The following ARFGEF1 variants were observed in gnomAD, a reference collection of about 807,000 sequenced individuals.
The protein encoded by ARFGEF1 is brefeldin A-inhibited guanine nucleotide-exchange protein 1.
Under a neutral mutation model 231.0 loss-of-function variants are expected in ARFGEF1, and 42 were observed. That is an observed-to-expected ratio of 0.18 (90% CI 0.14 to 0.24). The LOEUF is 0.24. Ranked by LOEUF, ARFGEF1 falls within the 10% of genes least tolerant of loss-of-function variation. The probability of loss-of-function intolerance (pLI) is 1.00; values close to 1 mark genes in which losing one functional copy is unlikely to be tolerated. For missense variants in ARFGEF1, 1,345 were observed against 2,192.0 expected (o/e 0.61, Z 7.72); for synonymous variants, 710 against 732.3 (o/e 0.97, Z 0.49).
chr8:67,210,206 C>T (rs890694780), intron 34 of ARFGEF1, among the ~76,000 whole-genome samples: 1 of 148,110 alleles, frequency 6.8e-6, no homozygotes, highest in Non-Finnish European at 1.5e-5. Flanking sequence ...GGACAGACGT[C>T]GTGGCACAAG....
At chr8:67,201,191 CTATCT>C (rs560093918) in intron 37 of ARFGEF1, among the ~76,000 whole-genome samples, 145 of 152,290 alleles carry the variant, frequency 9.5e-4, no homozygotes, top group South Asian at 3.7e-3. Context: ...AAAAATGGGA[CTATCT>C]TATGACATTA....
chr8:67,266,052 C>T lies in ARFGEF1; in HGVS notation c.2077G>A (p.Glu693Lys). The T allele has an allele frequency of 6.2e-7, 1 of 1,613,842 alleles. No individual in the cohort carries two copies. The change falls in exon 14 of 39, where the codon GAG becomes AAG. Residue 693 changes from glutamate (E) to lysine (K), a missense_variant. Physicochemically the swap from Glu to Lys is moderately conservative, Grantham distance 56 (BLOSUM62 1). Transcript: ENST00000262215. ...ATTTCTTTTTGTTGCTTTAGGACCT[C>T]AAATTGTTCTGGATTATCAGTGCCA... Reference protein sequence around the residue: ...MSGTDNPEQFEVLKQQKEIIE... With the variant: ...MSGTDNPEQFKVLKQQKEIIE...
intron 34 of ARFGEF1, among the ~76,000 whole-genome samples, chr8:67,209,485 A>T (rs765901409): frequency 1.3e-5 from 2 of 152,224 alleles, no homozygotes; most frequent in Non-Finnish European, 2.9e-5. Context: ...GGAGTGATGA[A>T]AATGCTTTGG....
At chr8:67,237,551 A>G (rs921372808) in intron 22 of ARFGEF1, among the ~76,000 whole-genome samples, 12 of 151,880 alleles carry the variant, frequency 7.9e-5, no homozygotes, top group Admixed American at 3.9e-4. Flanking sequence ...ATGCGTCCAG[A>G]TTGGTTGGAG....
chr8:67,291,705 A>G, intron 6 of ARFGEF1, 142 bp downstream of exon 6: 3 of 1,119,598 alleles, frequency 2.7e-6, no homozygotes, highest in Non-Finnish European at 3.8e-6. Flanking sequence ...TACCACCTAC[A>G]ATGAGGAAAG....
chr8:67,214,505 C>T (rs774528994), intron 33 of ARFGEF1, among the ~76,000 whole-genome samples: 1 of 152,098 alleles, frequency 6.6e-6, no homozygotes, highest in Non-Finnish European at 1.5e-5. Context: ...TTGTGCCTAT[C>T]GAGATTGAAA....
chr8:67,179,645 GA>G (rs1172051524), intron 5 of ARFGEF1, among the ~76,000 whole-genome samples: 4 of 152,192 alleles, frequency 2.6e-5, no homozygotes, highest in Non-Finnish European at 5.9e-5. Context: ...GTAGCCTGGA[GA>G]GAGACTGTCT....
chr8:67,291,699 A>T (rs1806017577), intron 6 of ARFGEF1, 148 bp downstream of exon 6: 5 of 1,029,076 alleles, frequency 4.9e-6, no homozygotes, highest in Non-Finnish European at 7.1e-6. Context: ...TAATTTTACC[A>T]CCTACAATGA....
At chr8:67,232,976 T>A in intron 22 of ARFGEF1, 31 bp from the exon 23 acceptor site, 3 of 1,525,566 alleles carry the variant, frequency 2.0e-6, no homozygotes, top group Non-Finnish European at 2.7e-6. Flanking sequence ...TCATTTCAGT[T>A]TGAAAATAAT....
At chr8:67,248,836 G>T (rs546214331) in intron 19 of ARFGEF1, among the ~76,000 whole-genome samples, 6 of 150,452 alleles carry the variant, frequency 4.0e-5, no homozygotes, top group Non-Finnish European at 8.8e-5. Context: ...CTGCTTACAG[G>T]TGTTGTCTGT....
In ARFGEF1 at chr8:67,343,384, G is replaced by T; in HGVS notation, c.-97C>A. 1 of 1,518,722 alleles carries T rather than the reference G, an allele frequency of 6.6e-7. No homozygotes were observed. 94.1% of individuals were successfully genotyped at this position (1,518,722 alleles called of 1,614,324 possible). On this transcript the variant is annotated 5_prime_UTR_variant, in exon 1 of 39. Transcript: ENST00000262215. ...GAAGGAAGAGAAGAGAGAAAGGAGA[G>T]GGGGTGGAGGTGGGGGATTGGAGGC...
In ARFGEF1 at chr8:67,251,377, T is replaced by C; in HGVS notation, c.2772A>G (p.Ala924=). The change falls in exon 19 of 39, where the codon GCA becomes GCG. Residue 924 remains alanine (A), a synonymous_variant. Coordinates refer to ENST00000262215, the MANE Select transcript of ARFGEF1 (RefSeq NM_006421.5). ...EMEQMAKTAK[A]LMEAVSHVQA... ...GAACATGGCTCACGGCCTCCATGAG[T>C]GCTTTAGCTGTCTTGGCCATCTGCT... The C allele has an allele frequency of 1.2e-6, 2 of 1,612,698 alleles. No individual in the cohort carries two copies. The highest frequency in any genetic ancestry group is 8.5e-7 in the Non-Finnish European group (1 of 1,179,122).
At chr8:67,263,082 T>C (rs1463131065) in intron 14 of ARFGEF1, among the ~76,000 whole-genome samples, 1 of 152,202 alleles carries the variant, frequency 6.6e-6, no homozygotes, top group Non-Finnish European at 1.5e-5. Flanking sequence ...CCAGATTCTC[T>C]CTCACTCCCT....
chr8:67,203,333 C>G, intron 35 of ARFGEF1, 82 bp from the exon 36 acceptor site: 1 of 1,485,746 alleles, frequency 6.7e-7, no homozygotes, highest in Non-Finnish European at 9.2e-7. Flanking sequence ...CCCCAAAGAC[C>G]AGTTTTACAA....
In ARFGEF1 at chr8:67,288,570, T is replaced by G. The variant is rs191809222; in HGVS notation, c.917-505A>C. On this transcript the variant is annotated intron_variant, in intron 6 of 38. Transcript: ENST00000262215. ...CAACATGGTGAAACCCCATCTCTAC[T>G]AAAAATACAAAAATTAGCCAGGCGC... Among the ~76,000 whole-genome samples, 1,076 of 151,972 alleles carry G rather than the reference T, an allele frequency of 7.1e-3. 10 individuals are homozygous for G. Among genetic ancestry groups the G allele is most frequent in the South Asian group, 0.012 (59 of 4,808 alleles).
At position 67,299,442 on chromosome 8, in the gene ARFGEF1, C is replaced by A. The variant is rs1806380460; in HGVS notation, c.313-87G>T. 2.1e-5 allele frequency: 26 copies of A among 1,226,828 alleles called. No individual in the cohort carries two copies. In the South Asian group the frequency reaches 3.4e-4, roughly 16 times the overall value. 76.0% of individuals were successfully genotyped at this position (1,226,828 alleles called of 1,614,324 possible). On this transcript the variant is annotated intron_variant, in intron 3 of 38. Coordinates refer to ENST00000262215, the MANE Select transcript of ARFGEF1 (RefSeq NM_006421.5). The stretch of plus-strand genomic sequence containing the variant: ...CAATATACATTAAAATTACAGTATA[C>A]AATTGAATATACATAAAATTTTTAC...
intron 36 of ARFGEF1, 120 bp from the exon 37 acceptor site, chr8:67,201,725 C>G (rs901928231): frequency 7.5e-7 from 1 of 1,334,874 alleles, no homozygotes; most frequent in African/African-American, 1.5e-5. Context: ...GCTTACAAAA[C>G]GGAGCCACAG....
Position 67,204,730 on chromosome 8 carries a change from A to G in ARFGEF1, c.4909T>C (p.Phe1637Leu). Residue 1637 changes from phenylalanine (F) to leucine (L), a missense_variant, in exon 35 of 39, where the codon TTC becomes CTC. Phe to Leu is a conservative substitution (Grantham distance 22, BLOSUM62 0). This residue lies in a region of ARFGEF1 where 161 missense variants were observed against 284.9 expected (regional missense o/e 0.57). Coordinates refer to ENST00000262215, the MANE Select transcript of ARFGEF1 (RefSeq NM_006421.5). ...TCTTCTTTCTTACTTGTGGCTGGGA[A>G]GAAGACAATGTTGTCGATAGTCTGG... ...LIQTIDNIVF[F>L]PATSKKEDAE... The G allele has an allele frequency of 6.2e-7, 1 of 1,613,818 alleles. No homozygotes were observed. The highest frequency in any genetic ancestry group is 8.5e-7 in the Non-Finnish European group (1 of 1,179,866).
intron 5 of ARFGEF1, among the ~76,000 whole-genome samples, chr8:67,178,862 A>T (rs1038789994): frequency 8.5e-5 from 13 of 152,200 alleles, no homozygotes; most frequent in African/African-American, 2.9e-4. Context: ...ACACTTGTGC[A>T]TGTGATGGGA....
Sources: allele counts gnomAD v4.1 joint callset (sites outside exome capture counted in the v4.1 genomes callset), GRCh38; gene constraint gnomAD v4.1.1; regional missense constraint gnomAD v4.1.1; transcripts MANE v1.5; gene names NCBI Gene and HGNC (gene_info 2026-07-23, HGNC 2026-07-21).